Variants in MANF observed in about 807,000 individuals in gnomAD.
The protein encoded by MANF is mesencephalic astrocyte-derived neurotrophic factor.
A neutral mutation model predicts 19.1 loss-of-function variants in MANF; 9 were observed. That is an observed-to-expected ratio of 0.47 (90% confidence interval 0.28 to 0.82). The LOEUF (loss-of-function observed/expected upper bound fraction) is 0.82, where lower values mean the gene tolerates loss of function less well. MANF is among the 40% of genes least tolerant of loss of function. The pLI is 0.10. For synonymous variants in MANF, 89 were observed against 88.0 expected (o/e 1.01, Z -0.06); for missense variants, 225 against 226.7 (o/e 0.99, Z 0.05).
In MANF at chr3:51,389,012, T is replaced by A; in HGVS notation, c.472T>A (p.Ser158Thr). Residue 158 changes from serine to threonine, a missense_variant, in exon 4 of 4, where the codon TCT (serine) becomes ACT (threonine). Ser to Thr is a moderately conservative substitution (Grantham distance 58, BLOSUM62 1). Coordinates refer to ENST00000528157, the MANE Select transcript of MANF (RefSeq NM_006010.6). ...GACATGCAAAGGCTGTGCAGAAAAG[T>A]CTGACTACATCCGGAAGATAAATGA... is the stretch of plus-strand genomic sequence containing the variant. ...GETCKGCAEK[S>T]DYIRKINELM... 1 of 1,611,638 alleles carries A rather than the reference T, an allele frequency of 6.2e-7. No homozygotes were observed.
Position 51,387,867 on chromosome 3 carries a change from A to G in MANF, c.353A>G (p.Glu118Gly). The change falls in exon 3 of 4, where the codon GAG becomes GGG. Residue 118 changes from glutamate to glycine, a missense_variant. Transcript: ENST00000528157. ...AAGAAGAAGGACAGCCAGATATGTG[A>G]GCTTAAGTATGGTGAGTATGCCTAG... ...KLKKKDSQICELKYDKQIDLS... is the reference protein window; with the variant it reads ...KLKKKDSQICGLKYDKQIDLS... 2 of 1,613,752 alleles carry G rather than the reference A, an allele frequency of 1.2e-6. No homozygotes were observed. Among genetic ancestry groups the G allele is most frequent in the Non-Finnish European group, 1.7e-6 (2 of 1,179,732 alleles).
At chr3:51,388,788 T>C in intron 3 of MANF, 117 bp from the exon 4 acceptor site, 1 of 696,808 alleles carries the variant, frequency 1.4e-6, no homozygotes, top group Non-Finnish European at 2.4e-6. Flanking sequence ...TGGAAATGTC[T>C]CTTCCTCTGA....
rs782593739 is a variant in MANF, at chr3:51,388,980, G to A, written c.440G>A (p.Trp147Ter). Residue 147 changes from tryptophan (W) to a stop codon, truncating the protein, a stop_gained, in exon 4 of 4, where the codon TGG becomes TAG. Transcript: ENST00000528157. LOFTEE classifies it high-confidence loss of function. ...GAGCTGAAGAAGATTCTGGATGACT[G>A]GGGGGAGACATGCAAAGGCTGTGCA... ...VKELKKILDDWGETCKGCAEK... is the reference protein window; with the variant it reads ...VKELKKILDD The A allele has an allele frequency of 3.1e-6, 5 of 1,605,160 alleles. No homozygotes were observed. The highest frequency in any genetic ancestry group is 1.1e-5 in the South Asian group (1 of 89,436).
rs2088927827 is a variant in MANF, at chr3:51,385,305, G to A, written c.-38G>A. The A allele has an allele frequency of 3.3e-6, 4 of 1,194,122 alleles. No homozygotes were observed. The highest frequency in any genetic ancestry group is 4.2e-5 in the Admixed American group (1 of 23,586). The allele number at this position is 1,194,122 out of a possible 1,614,324, so 74.0% of individuals were successfully genotyped here. ...GGGTGCGGTTCAGTCGGTCGGCGGC[G>A]GCAGCGGAGGAGGAGGAGGAGGAGG... is the stretch of plus-strand genomic sequence containing the variant. On this transcript the variant is annotated 5_prime_UTR_variant, in exon 1 of 4. Transcript: ENST00000528157.
At position 51,385,426 on chromosome 3, in the gene MANF, C is replaced by A; in HGVS notation, c.84C>A (p.Gly28=). 1 of 1,234,854 alleles carries A rather than the reference C, an allele frequency of 8.1e-7. No individual in the cohort carries two copies. Among genetic ancestry groups the A allele is most frequent in the Non-Finnish European group, 1.0e-6 (1 of 988,520 alleles). 76.5% of individuals were successfully genotyped at this position (1,234,854 alleles called of 1,614,324 possible). ...CGGGCAGCCGGGCGCTGCGGCCGGGCGACTGCGAAGGTGCGGGATAGGGGG... is the reference window on the plus strand; with the variant it reads ...CGGGCAGCCGGGCGCTGCGGCCGGGAGACTGCGAAGGTGCGGGATAGGGGG... The part of the protein sequence containing the change: ...VLPGSRALRP[G]DCEVCISYLG... The change falls in exon 1 of 4, where the codon GGC becomes GGA. Residue 28 remains glycine, a synonymous_variant. Transcript: ENST00000528157.
At chr3:51,386,032 C>A in intron 1 of MANF, 176 bp from the exon 2 acceptor site, 1 of 637,996 alleles carries the variant, frequency 1.6e-6, no homozygotes, top group Non-Finnish European at 2.7e-6. Context: ...GGGACCCCCG[C>A]CACTTGGAAC....
Position 51,388,893 on chromosome 3 carries a change from T to C in MANF, c.365-12T>C, listed in dbSNP as rs376443318. The C allele has an allele frequency of 1.3e-6, 2 of 1,553,422 alleles. No individual in the cohort carries two copies. The highest frequency in any genetic ancestry group is 1.7e-6 in the Non-Finnish European group (2 of 1,149,366). On this transcript the variant is annotated splice_polypyrimidine_tract_variant and intron_variant, in intron 3 of 3. Coordinates refer to ENST00000528157, the MANE Select transcript of MANF (RefSeq NM_006010.6). ...CCACCCAGTCAGTGACTCTCCCTGC[T>C]CTCTCCTCCAGACAAGCAGATCGAC...
At position 51,385,360 on chromosome 3, in the gene MANF, C is replaced by T. The variant is rs1286892846; in HGVS notation, c.18C>T (p.Ala6=). Residue 6 remains alanine (A), a synonymous_variant, in exon 1 of 4, where the codon GCC becomes GCT. Coordinates refer to ENST00000528157, the MANE Select transcript of MANF (RefSeq NM_006010.6). ...TGAGGAGGATGAGGAGGATGTGGGCCACGCAGGGGCTGGCGGTGGCGCTGG... is the reference window on the plus strand; with the variant it reads ...TGAGGAGGATGAGGAGGATGTGGGCTACGCAGGGGCTGGCGGTGGCGCTGG... The part of the protein sequence containing the change: MRRMW[A]TQGLAVALAL... The T allele has an allele frequency of 1.6e-6, 2 of 1,239,062 alleles. No homozygotes were observed. Among genetic ancestry groups the T allele is most frequent in the East Asian group, 3.2e-5 (1 of 31,700 alleles). The allele number at this position is 1,239,062 out of a possible 1,614,324, so 76.8% of individuals were successfully genotyped here.
intron 1 of MANF, 162 bp from the exon 2 acceptor site, chr3:51,386,046 G>C (rs1553620834): frequency 5.7e-6 from 4 of 707,026 alleles, no homozygotes; most frequent in Non-Finnish European, 6.9e-6. Flanking sequence ...TTGGAACCGG[G>C]TTCTGTCTAC....
rs781998163 is a variant in MANF, at chr3:51,389,061, A to C, written c.521A>C (p.Lys174Thr). 6.2e-7 allele frequency: 1 copy of C among 1,612,930 alleles called. No homozygotes were observed. The highest frequency in any genetic ancestry group is 8.5e-7 in the Non-Finnish European group (1 of 1,179,460). Residue 174 changes from lysine to threonine, a missense_variant, in exon 4 of 4, where the codon AAG (lysine) becomes ACG (threonine). Coordinates refer to ENST00000528157, the MANE Select transcript of MANF (RefSeq NM_006010.6). ...GAACTGATGCCTAAATATGCCCCCA[A>C]GGCAGCCAGTGCACGGACCGATTTG... ...INELMPKYAPKAASARTDL is the reference protein window; with the variant it reads ...INELMPKYAPTAASARTDL
In MANF at chr3:51,385,337, A is replaced by G. The variant is rs1437726237; in HGVS notation, c.-6A>G. The G allele has an allele frequency of 4.1e-6, 5 of 1,231,478 alleles. No homozygotes were observed. The African/African-American group carries it at 6.2e-5, about 15-fold the overall frequency. 76.3% of individuals were successfully genotyped at this position (1,231,478 alleles called of 1,614,324 possible). A position where few individuals can be genotyped will look rare whatever the true frequency, so the allele number is the denominator to read the frequency against. On this transcript the variant is annotated 5_prime_UTR_variant, in exon 1 of 4. Coordinates refer to ENST00000528157, the MANE Select transcript of MANF (RefSeq NM_006010.6). ...GAGGAGGAGGAGGAGGAGGAGGATG[A>G]GGAGGATGAGGAGGATGTGGGCCAC...
chr3:51,389,306 T>C lies in MANF; in HGVS notation c.*217T>C. ...GTACTCTAGGACTTCAAAGTGTGTC[T>C]GGGATTTTTTTATTAAAGAAAAAAA... On this transcript the variant is annotated 3_prime_UTR_variant, in exon 4 of 4. Coordinates refer to ENST00000528157, the MANE Select transcript of MANF (RefSeq NM_006010.6). The C allele has an allele frequency of 2.2e-6, 1 of 461,240 alleles. No homozygotes were observed. Among genetic ancestry groups the C allele is most frequent in the South Asian group, 4.1e-5 (1 of 24,148 alleles). 28.6% of individuals were successfully genotyped at this position (461,240 alleles called of 1,614,324 possible).
At chr3:51,385,662 A>G in intron 1 of MANF, 1 of 371,910 alleles carries the variant, frequency 2.7e-6, no homozygotes, top group Non-Finnish European at 4.8e-6. Context: ...TTGAGACTAG[A>G]TCCCGTTGAA....
At position 51,389,374 on chromosome 3, in the gene MANF, G is replaced by A. The variant is rs1208780308; in HGVS notation, c.*285G>A. On this transcript the variant is annotated 3_prime_UTR_variant, in exon 4 of 4. Transcript: ENST00000528157. ...CAGAATTATAGTGAATACCAAAATG[G>A]GGTTTTGCCCCAGGAGGCTCCTACC... The A allele has an allele frequency of 2.6e-5, 9 of 350,000 alleles. No homozygotes were observed. Among genetic ancestry groups the A allele is most frequent in the African/African-American group, 8.7e-5 (4 of 46,064 alleles). The allele number at this position is 350,000 out of a possible 1,614,324, so 21.7% of individuals were successfully genotyped here.
rs73837443 is a variant in MANF, at chr3:51,388,885, C to G, written c.365-20C>G. On this transcript the variant is annotated intron_variant, in intron 3 of 3. Transcript: ENST00000528157. ...CAGGTGCTCCACCCAGTCAGTGACT[C>G]TCCCTGCTCTCTCCTCCAGACAAGC... is the stretch of plus-strand genomic sequence containing the variant. 3.2e-6 allele frequency: 5 copies of G among 1,542,096 alleles called. No homozygotes were observed. In the East Asian group the frequency reaches 1.2e-4, roughly 38 times the overall value.
At chr3:51,385,960 G>A in intron 1 of MANF, 1 of 505,822 alleles carries the variant, frequency 2.0e-6, no homozygotes, top group Non-Finnish European at 3.5e-6. Context: ...GAAAGGAGCA[G>A]GGAGAAGTCG....
Position 51,388,972 on chromosome 3 carries a change from G to A in MANF, c.432G>A (p.Leu144=). 6.2e-7 allele frequency: 1 copy of A among 1,603,292 alleles called. No homozygotes were observed. The highest frequency in any genetic ancestry group is 8.5e-7 in the Non-Finnish European group (1 of 1,174,514). Residue 144 remains leucine, a synonymous_variant, in exon 4 of 4, where the codon CTG becomes CTA. Coordinates refer to ENST00000528157, the MANE Select transcript of MANF (RefSeq NM_006010.6). Reference sequence around the variant, plus strand: ...GAGTTAAAGAGCTGAAGAAGATTCTGGATGACTGGGGGGAGACATGCAAAG... The same window carrying A: ...GAGTTAAAGAGCTGAAGAAGATTCTAGATGACTGGGGGGAGACATGCAAAG... ...KLRVKELKKI[L]DDWGETCKGC...
intron 2 of MANF, among the ~76,000 whole-genome samples, chr3:51,387,352 A>G (rs2088972386): frequency 6.6e-6 from 1 of 152,086 alleles, no homozygotes; most frequent in African/African-American, 2.4e-5. Flanking sequence ...GCTGCTCAGG[A>G]GGCTGAGGCA....
chr3:51,385,384 G>C lies in MANF; in HGVS notation c.42G>C (p.Leu14=), dbSNP rs1292263430. The C allele has an allele frequency of 8.1e-6, 10 of 1,238,738 alleles. No homozygotes were observed. In the African/African-American group the frequency reaches 1.6e-4, roughly 19 times the overall value. 76.7% of individuals were successfully genotyped at this position (1,238,738 alleles called of 1,614,324 possible). A position where few individuals can be genotyped will look rare whatever the true frequency, so the allele number is the denominator to read the frequency against. ...MWATQGLAVA[L]ALSVLPGSRA... is the part of the protein sequence containing the mutation. Reference sequence around the variant, plus strand: ...CCACGCAGGGGCTGGCGGTGGCGCTGGCTCTGAGCGTGCTGCCGGGCAGCC... The same window carrying C: ...CCACGCAGGGGCTGGCGGTGGCGCTCGCTCTGAGCGTGCTGCCGGGCAGCC... Residue 14 remains leucine, a synonymous_variant, in exon 1 of 4, where the codon CTG becomes CTC. Transcript: ENST00000528157.
Sources: allele counts gnomAD v4.1 joint callset (sites outside exome capture counted in the v4.1 genomes callset), GRCh38; gene constraint gnomAD v4.1.1; transcripts MANE v1.5; gene names NCBI Gene and HGNC (gene_info 2026-07-23, HGNC 2026-07-21).